TRAPPC9: variants seen among roughly 807,000 people sequenced by gnomAD.
TRAPPC9 encodes the protein IKK2 binding protein.
Under a neutral mutation model 124.0 loss-of-function variants are expected in TRAPPC9, and 83 were observed. The ratio of observed to expected loss-of-function variants is 0.67; its 90% CI spans 0.56 to 0.80. The LOEUF (loss-of-function observed/expected upper bound fraction) is 0.80, where lower values mean the gene tolerates loss of function less well. TRAPPC9 is among the 30% of genes least tolerant of loss of function. The pLI is 0.00. For synonymous variants in TRAPPC9, 638 were observed against 617.5 expected (o/e 1.03, Z -0.49); for missense variants, 1,302 against 1,508.3 (o/e 0.86, Z 2.27).
At chr8:139,861,353 G>C (rs1022110968) in intron 21 of TRAPPC9, among the ~76,000 whole-genome samples, 2 of 152,160 alleles carry the variant, frequency 1.3e-5, no homozygotes, top group Non-Finnish European at 2.9e-5. Flanking sequence ...GCCGGGGTAT[G>C]AGCCAGAGTG....
chr8:139,926,396 C>T (rs781464688), intron 19 of TRAPPC9, among the ~76,000 whole-genome samples: 8 of 152,202 alleles, frequency 5.3e-5, no homozygotes, highest in African/African-American at 1.2e-4. Flanking sequence ...GGAACGAGAT[C>T]GATTCAGAAG....
chr8:140,285,434 C>T (rs1423393423), intron 13 of TRAPPC9, among the ~76,000 whole-genome samples: 7 of 152,188 alleles, frequency 4.6e-5, no homozygotes, highest in Admixed American at 1.3e-4. Flanking sequence ...AACAGGGATC[C>T]TGGATCCTGA....
chr8:139,851,482 G>A (rs1357690035), intron 21 of TRAPPC9, among the ~76,000 whole-genome samples: 2 of 152,076 alleles, frequency 1.3e-5, no homozygotes, highest in African/African-American at 2.4e-5. Flanking sequence ...CGGAAGGCAT[G>A]GGACCGGGCC....
Position 140,450,889 on chromosome 8 carries a change from T to C in TRAPPC9, c.485A>G (p.Lys162Arg). The C allele has an allele frequency of 1.9e-6, 3 of 1,614,150 alleles. No individual in the cohort carries two copies. Among genetic ancestry groups the C allele is most frequent in the Non-Finnish European group, 1.7e-6 (2 of 1,180,014 alleles). Residue 162 changes from lysine (K) to arginine (R), a missense_variant, in exon 2 of 23, where the codon AAG (lysine) becomes AGG (arginine). By Grantham distance (26) the Lys-to-Arg change is conservative (BLOSUM62 2). Transcript: ENST00000438773. ...CTTGTCTGTGGCTCTGTCCAGACGC[T>C]TGGACTCCAGCACGATGAACAGTGA... is the stretch of plus-strand genomic sequence containing the variant. ...IESLFIVLES[K>R]RLDRATDKSG...
rs1391464480 is a variant in TRAPPC9, at chr8:139,947,334, T to G, written c.2811-37034A>C. On this transcript the variant is annotated intron_variant, in intron 19 of 22. Coordinates refer to ENST00000438773, the MANE Select transcript of TRAPPC9 (RefSeq NM_001160372.4). ...CCAAATAGCATTTAACAAGAGATAA[T>G]GTGGTTCTGTAGCCAGGGCAGGCTG... 2.6e-5 allele frequency among the ~76,000 whole-genome samples: 4 copies of G among 152,206 alleles called. No homozygotes were observed. In the South Asian group the frequency reaches 6.2e-4, roughly 24 times the overall value.
chr8:140,114,899 A>G (rs1021158329), intron 17 of TRAPPC9, among the ~76,000 whole-genome samples: 11 of 152,246 alleles, frequency 7.2e-5, no homozygotes, highest in Non-Finnish European at 1.5e-4. Flanking sequence ...CCACGGAATA[A>G]TACATTCAAT....
chr8:140,232,368 G>A (rs997194505), intron 16 of TRAPPC9, among the ~76,000 whole-genome samples: 3 of 152,066 alleles, frequency 2.0e-5, no homozygotes, highest in Non-Finnish European at 4.4e-5. Context: ...AGCAAGTGGA[G>A]GGAGGAGGAA....
intron 17 of TRAPPC9, among the ~76,000 whole-genome samples, chr8:140,058,032 C>T (rs1842391002): frequency 6.6e-6 from 1 of 152,204 alleles, no homozygotes; most frequent in Non-Finnish European, 1.5e-5. Context: ...TTTCTAAGCG[C>T]ATTGCATACA....
At chr8:140,144,523 CTT>C (rs1330648788) in intron 17 of TRAPPC9, among the ~76,000 whole-genome samples, 1 of 152,160 alleles carries the variant, frequency 6.6e-6, no homozygotes, top group African/African-American at 2.4e-5. Flanking sequence ...GAGTCTCACT[CTT>C]TTGCCCAGGC....
intron 16 of TRAPPC9, among the ~76,000 whole-genome samples, chr8:140,233,704 ACTGGCTTTG>A (rs1260916462): frequency 6.8e-6 from 1 of 147,472 alleles, no homozygotes; most frequent in Non-Finnish European, 1.5e-5. Flanking sequence ...AGTCCCTGGA[ACTGGCTTTG>A]CTCTTTTCTG....
intron 17 of TRAPPC9, among the ~76,000 whole-genome samples, chr8:140,160,119 T>C (rs1047485447): frequency 6.6e-6 from 1 of 152,176 alleles, no homozygotes; most frequent in Admixed American, 6.5e-5. Flanking sequence ...CCAGTTAGAA[T>C]GGTGATCATT....
intron 19 of TRAPPC9, among the ~76,000 whole-genome samples, chr8:139,910,974 C>T (rs11166937): frequency 0.65 from 99,367 of 152,100 alleles, 34,538 homozygotes; most frequent in African/African-American, 0.91. Context: ...TTTGGGAGAC[C>T]GTTGGGAAGG....
rs145630770 is a variant in TRAPPC9, at chr8:140,310,187, C to T, written c.1622+1061G>A. 1.9e-4 allele frequency among the ~76,000 whole-genome samples: 29 copies of T among 152,294 alleles called. 1 individual carries two copies. In the East Asian group the frequency reaches 4.6e-3, roughly 24 times the overall value. On this transcript the variant is annotated intron_variant, in intron 10 of 22. Transcript: ENST00000438773. Reference sequence around the variant, plus strand: ...ATTGAATTCTCATAATAGCTTAATGCTATCGGTTTTCTTCTTAATTTTGGG... The same window carrying T: ...ATTGAATTCTCATAATAGCTTAATGTTATCGGTTTTCTTCTTAATTTTGGG...
intron 15 of TRAPPC9, among the ~76,000 whole-genome samples, chr8:140,272,995 T>C (rs988577221): frequency 6.6e-6 from 1 of 152,172 alleles, no homozygotes; most frequent in Non-Finnish European, 1.5e-5. Context: ...AAGCACTGTC[T>C]CAAGTGCTTC....
chr8:139,989,580 G>A (rs1021724594), intron 18 of TRAPPC9, among the ~76,000 whole-genome samples: 10 of 152,144 alleles, frequency 6.6e-5, no homozygotes, highest in African/African-American at 1.7e-4. Context: ...TTAGCCTTCC[G>A]CCTTCCTCAT....
chr8:140,450,053 G>A (rs944016818), intron 2 of TRAPPC9, among the ~76,000 whole-genome samples: 1 of 152,182 alleles, frequency 6.6e-6, no homozygotes, highest in African/African-American at 2.4e-5. Context: ...CATGTAATCT[G>A]TATAAAACAT....
intron 9 of TRAPPC9, among the ~76,000 whole-genome samples, chr8:140,347,105 C>T (rs1394162381): frequency 2.0e-5 from 3 of 152,192 alleles, no homozygotes; most frequent in African/African-American, 4.8e-5. Context: ...TTAGCACGGC[C>T]GCAAAGGGCA....
chr8:139,941,100 G>A (rs1454208933), intron 19 of TRAPPC9, among the ~76,000 whole-genome samples: 1 of 152,234 alleles, frequency 6.6e-6, no homozygotes. Flanking sequence ...GGAAATGCCT[G>A]TCTGGGCCTC....
At chr8:139,798,118 T>A (rs1165486150) in intron 21 of TRAPPC9, among the ~76,000 whole-genome samples, 1 of 152,224 alleles carries the variant, frequency 6.6e-6, no homozygotes, top group Admixed American at 6.5e-5. Flanking sequence ...CAAAATTAAG[T>A]CTTCCAATCC....
Sources: gnomAD v4.1 joint callset for allele counts (sites outside exome capture counted in the v4.1 genomes callset) on GRCh38, gnomAD v4.1.1 for gene constraint, MANE v1.5 for transcripts, NCBI Gene and HGNC (gene_info 2026-07-23, HGNC 2026-07-21) for gene names.